Variants in TTC29 observed in about 807,000 individuals in gnomAD.
TTC29 encodes the protein tetratricopeptide repeat protein 29.
A neutral mutation model predicts 58.1 loss-of-function variants in TTC29; 49 were observed. That is an observed-to-expected ratio of 0.84 (90% CI 0.67 to 1.07). The LOEUF (loss-of-function observed/expected upper bound fraction) is 1.07, where lower values mean the gene tolerates loss of function less well. Ranked by LOEUF, TTC29 falls within the 50% of genes least tolerant of loss-of-function variation. The pLI is 0.00. For synonymous variants in TTC29, 209 were observed against 196.8 expected, an observed-to-expected ratio of 1.06 and a Z score of -0.52; for missense variants, 582 against 555.6, an observed-to-expected ratio of 1.05 and a Z score of -0.48.
chr4:146,821,431 T>C (rs1334256542), intron 9 of TTC29, among the ~76,000 whole-genome samples: 1 of 152,060 alleles, frequency 6.6e-6, no homozygotes, highest in Non-Finnish European at 1.5e-5. Flanking sequence ...TCACTAAAGC[T>C]GTTTTTAAAA....
chr4:146,742,576 ACTTC>A (rs1226208315), intron 11 of TTC29, among the ~76,000 whole-genome samples: 5 of 62,118 alleles, frequency 8.0e-5, no homozygotes, highest in African/African-American at 2.8e-4. Flanking sequence ...TCCCTCACCC[ACTTC>A]CTTCCTTCCC....
At chr4:146,771,434 G>A (rs1488083691) in intron 11 of TTC29, among the ~76,000 whole-genome samples, 1 of 151,842 alleles carries the variant, frequency 6.6e-6, no homozygotes, top group Non-Finnish European at 1.5e-5. Context: ...CCAGTAGGCC[G>A]AGTGTCTGCT....
chr4:146,839,518 C>A (rs1728715989), intron 8 of TTC29, among the ~76,000 whole-genome samples: 2 of 149,490 alleles, frequency 1.3e-5, no homozygotes, highest in Non-Finnish European at 3.0e-5. Context: ...TCAGATTTCA[C>A]CAGTTTTACA....
At chr4:146,916,967 T>C (rs1734262808) in intron 4 of TTC29, among the ~76,000 whole-genome samples, 1 of 151,314 alleles carries the variant, frequency 6.6e-6, no homozygotes, top group South Asian at 2.1e-4. Context: ...AAAAATATTT[T>C]ATACTTAAAC....
intron 6 of TTC29, among the ~76,000 whole-genome samples, chr4:146,898,578 C>T (rs1302294164): frequency 2.0e-5 from 3 of 152,170 alleles, no homozygotes; most frequent in Non-Finnish European, 2.9e-5. Context: ...TCTTCCAAAC[C>T]GGAAAATGTG....
intron 11 of TTC29, among the ~76,000 whole-genome samples, chr4:146,790,415 C>G (rs1749354994): frequency 6.6e-6 from 1 of 152,072 alleles, no homozygotes; most frequent in East Asian, 1.9e-4. Flanking sequence ...TCTTGATCTC[C>G]TGACCTTGTG....
At chr4:146,707,399 C>A in intron 12 of TTC29, 86 bp downstream of exon 12, 1 of 1,014,534 alleles carries the variant, frequency 9.9e-7, no homozygotes, top group Non-Finnish European at 1.5e-6. Flanking sequence ...TGAAGCTCCT[C>A]TTTTTGTGTT....
Position 146,937,589 on chromosome 4 carries a change from C to G in TTC29, c.176+5G>C. On this transcript the variant is annotated splice_donor_5th_base_variant and intron_variant, in intron 4 of 12. Transcript: ENST00000325106. ...TATTAAAGTACCTTTAAAGGTTGTA[C>G]TTACGCAGCAACTTCCTCTTTTGAT... 1.3e-6 allele frequency: 2 copies of G among 1,501,568 alleles called. No homozygotes were observed. Among genetic ancestry groups the G allele is most frequent in the Non-Finnish European group, 1.8e-6 (2 of 1,112,350 alleles). 93.0% of individuals were successfully genotyped at this position (1,501,568 alleles called of 1,614,324 possible). A position where few individuals can be genotyped will look rare whatever the true frequency, so the allele number is the denominator to read the frequency against.
intron 10 of TTC29, among the ~76,000 whole-genome samples, chr4:146,815,630 C>T (rs1273557847): frequency 6.6e-6 from 1 of 151,898 alleles, no homozygotes; most frequent in African/African-American, 2.4e-5. Context: ...GAGAAGATTG[C>T]CTGGAAAATG....
At chr4:146,858,542 G>A (rs1003803232) in intron 8 of TTC29, among the ~76,000 whole-genome samples, 1 of 152,122 alleles carries the variant, frequency 6.6e-6, no homozygotes, top group Non-Finnish European at 1.5e-5. Flanking sequence ...TGCTAACTAG[G>A]GGTTTGAGAA....
At chr4:146,732,148 C>T (rs1744383191) in intron 11 of TTC29, among the ~76,000 whole-genome samples, 1 of 152,088 alleles carries the variant, frequency 6.6e-6, no homozygotes, top group South Asian at 2.1e-4. Flanking sequence ...AAAACACCAT[C>T]CAATAATATT....
intron 11 of TTC29, among the ~76,000 whole-genome samples, chr4:146,777,114 TTG>T (rs1748163029): frequency 6.6e-6 from 1 of 152,216 alleles, no homozygotes; most frequent in Non-Finnish European, 1.5e-5. Context: ...GGACAGGTAG[TTG>T]TGTTCACATC....
In TTC29 at chr4:146,723,341, A is replaced by T. The variant is rs371081952; in HGVS notation, c.1331-15790T>A. On this transcript the variant is annotated intron_variant, in intron 11 of 12. Coordinates refer to ENST00000325106, the MANE Select transcript of TTC29 (RefSeq NM_031956.4). ...GGACATGGGCCTTGGGAAATAATTTATGACTCAGTCCTCAAAACAATTGCA... is the reference window on the plus strand; with the variant it reads ...GGACATGGGCCTTGGGAAATAATTTTTGACTCAGTCCTCAAAACAATTGCA... 1.8e-4 allele frequency among the ~76,000 whole-genome samples: 28 copies of T among 152,306 alleles called. No individual in the cohort carries two copies. In the South Asian group the frequency reaches 5.8e-3, roughly 32 times the overall value.
At chr4:146,778,081 G>A (rs928698741) in intron 11 of TTC29, among the ~76,000 whole-genome samples, 5 of 152,132 alleles carry the variant, frequency 3.3e-5, no homozygotes, top group African/African-American at 1.2e-4. Context: ...CTTCGTGGAC[G>A]TGTTAAGTTT....
At chr4:146,809,520 A>G (rs1401802477) in intron 10 of TTC29, among the ~76,000 whole-genome samples, 1 of 149,596 alleles carries the variant, frequency 6.7e-6, no homozygotes, top group East Asian at 2.0e-4. Flanking sequence ...GAATCGACAA[A>G]GGGCTAAAAT....
At chr4:146,895,074 T>C (rs1454197583) in intron 6 of TTC29, among the ~76,000 whole-genome samples, 4 of 152,176 alleles carry the variant, frequency 2.6e-5, no homozygotes, top group African/African-American at 9.6e-5. Flanking sequence ...GAACATATGG[T>C]ATTTGGTTTC....
At chr4:146,736,586 G>A (rs540513369) in intron 11 of TTC29, among the ~76,000 whole-genome samples, 1 of 152,254 alleles carries the variant, frequency 6.6e-6, no homozygotes, top group African/African-American at 2.4e-5. Flanking sequence ...CCATCTGATA[G>A]CCCTTTATGC....
At chr4:146,845,149 T>C (rs1435184721) in intron 8 of TTC29, among the ~76,000 whole-genome samples, 1 of 152,180 alleles carries the variant, frequency 6.6e-6, no homozygotes, top group Non-Finnish European at 1.5e-5. Flanking sequence ...CTCTTGTACT[T>C]GAGGTAATCT....
In TTC29 at chr4:146,911,227, C is replaced by T. The variant is rs1318501168; in HGVS notation, c.177-1978G>A. Among the ~76,000 whole-genome samples the T allele has an allele frequency of 2.0e-5, 3 of 152,156 alleles. No individual in the cohort carries two copies. The East Asian group carries it at 5.8e-4, about 29-fold the overall frequency. On this transcript the variant is annotated intron_variant, in intron 4 of 12. Transcript: ENST00000325106. ...CCCATGAATGGTATAGGAGAAGGGA[C>T]TTAATATTCCAGTGGGCATCATGTG... is the stretch of plus-strand genomic sequence containing the variant.
Sources: allele counts gnomAD v4.1 joint callset (sites outside exome capture counted in the v4.1 genomes callset), GRCh38; gene constraint gnomAD v4.1.1; transcripts MANE v1.5; gene names NCBI Gene and HGNC (gene_info 2026-07-23, HGNC 2026-07-21).